Variants in CDH23 observed in about 807,000 individuals in gnomAD.
CDH23 encodes cadherin-23.
In CDH23, 189 loss-of-function variants were observed where a neutral mutation model predicts 317.1. The ratio of observed to expected loss-of-function variants is 0.60; its 90% CI spans 0.53 to 0.67. CDH23 has a LOEUF of 0.67. CDH23 is among the 30% of genes least tolerant of loss of function. The pLI is 0.00. For missense variants in CDH23, 4,401 were observed against 4,592.4 expected, an observed-to-expected ratio of 0.96 and a Z score of 1.20; for synonymous variants, 1,839 against 1,876.8, an observed-to-expected ratio of 0.98 and a Z score of 0.52.
chr10:71,705,745 C>T (rs903342147), intron 25 of CDH23, among the ~76,000 whole-genome samples: 2 of 152,156 alleles, frequency 1.3e-5, no homozygotes, highest in Non-Finnish European at 2.9e-5. Flanking sequence ...AGGATGCAGA[C>T]ATGAGCTGTT....
intron 24 of CDH23, 21 bp from the exon 25 acceptor site, chr10:71,704,890 G>GCTGC (rs1443842804): frequency 6.3e-7 from 1 of 1,591,686 alleles, no homozygotes; most frequent in East Asian, 2.2e-5. Flanking sequence ...CCACCCTCAT[G>GCTGC]CTGCCCCTCC....
chr10:71,813,164 C>G, intron 68 of CDH23, 80 bp from the exon 69 acceptor site: 1 of 1,351,256 alleles, frequency 7.4e-7, no homozygotes, highest in African/African-American at 1.4e-5. Flanking sequence ...CCGTGTACCC[C>G]TTACTCCCAG....
At chr10:71,477,216 TG>T (rs1348868414) in intron 3 of CDH23, among the ~76,000 whole-genome samples, 1 of 152,202 alleles carries the variant, frequency 6.6e-6, no homozygotes, top group Non-Finnish European at 1.5e-5. Context: ...TCACCCAGGC[TG>T]GAGTGCATTG....
rs970554028 is a variant in CDH23 at position 71,713,023 on chromosome 10, A to T, written c.3369+210A>T. 2.3e-5 allele frequency: 17 copies of T among 739,358 alleles called. No individual in the cohort carries two copies. In the African/African-American group the frequency reaches 2.8e-4, roughly 12 times the overall value. 45.8% of individuals were successfully genotyped at this position (739,358 alleles called of 1,614,324 possible). A position where few individuals can be genotyped will look rare whatever the true frequency, so the allele number is the denominator to read the frequency against. ...GGGCCCCCAGGTTGCAGAGCTGAGG[A>T]TAGGGCTCTGGCTCCCCACAAACAG... On this transcript the variant is annotated intron_variant, in intron 28 of 69. Transcript: ENST00000224721.
intron 38 of CDH23, among the ~76,000 whole-genome samples, chr10:71,772,543 T>A (rs1840711664): frequency 6.6e-6 from 1 of 152,218 alleles, no homozygotes; most frequent in Non-Finnish European, 1.5e-5. Flanking sequence ...CAGGATACTA[T>A]CTGAACATGC....
In CDH23 at chr10:71,701,953, C is replaced by G. The variant is rs1210208309; in HGVS notation, c.2398-69C>G. 2.0e-6 allele frequency: 3 copies of G among 1,537,414 alleles called. No homozygotes were observed. The East Asian group carries it at 6.9e-5, about 35-fold the overall frequency. On this transcript the variant is annotated intron_variant, in intron 22 of 69. Coordinates refer to ENST00000224721, the MANE Select transcript of CDH23 (RefSeq NM_022124.6). ...CAGGACCAACGTCTGAGCTCAGATA[C>G]TCCCGGCCAGCCCAGAGACACCCTC... is the stretch of plus-strand genomic sequence containing the variant.
intron 11 of CDH23, among the ~76,000 whole-genome samples, chr10:71,627,054 G>A (rs908277387): frequency 2.0e-5 from 3 of 151,992 alleles, no homozygotes; most frequent in African/African-American, 7.3e-5. Context: ...CGCAGCAAGG[G>A]TTGAGCATCC....
intron 1 of CDH23, among the ~76,000 whole-genome samples, chr10:71,402,272 C>T (rs77984402): frequency 0.018 from 2,764 of 152,318 alleles, 64 homozygotes; most frequent in African/African-American, 0.06. Context: ...GAGAGTGACA[C>T]AGCAGGTTCA....
chr10:71,646,879 C>G, intron 14 of CDH23: 3 of 1,433,242 alleles, frequency 2.1e-6, no homozygotes, highest in Non-Finnish European at 2.7e-6. Flanking sequence ...TGCCTTTCCC[C>G]GAGAGAGACT....
chr10:71,535,395 G>A (rs910388571), intron 6 of CDH23, among the ~76,000 whole-genome samples: 2 of 152,246 alleles, frequency 1.3e-5, no homozygotes, highest in East Asian at 1.9e-4. Context: ...AGGAGTCTTC[G>A]GAACCATGAG....
intron 1 of CDH23, among the ~76,000 whole-genome samples, chr10:71,420,344 T>C (rs1159792778): frequency 6.6e-6 from 1 of 150,762 alleles, no homozygotes; most frequent in East Asian, 2.0e-4. Flanking sequence ...AGTTGTCCTT[T>C]TCTGCTTTCT....
chr10:71,621,220 G>A (rs1343080973), intron 11 of CDH23, among the ~76,000 whole-genome samples: 1 of 152,248 alleles, frequency 6.6e-6, no homozygotes, highest in Admixed American at 6.5e-5. Context: ...GTTGGGATTT[G>A]TGTCTGGGTT....
intron 9 of CDH23, among the ~76,000 whole-genome samples, chr10:71,593,223 C>T (rs552387347): frequency 2.6e-5 from 4 of 152,126 alleles, no homozygotes; most frequent in South Asian, 2.1e-4. Flanking sequence ...CGCAAATCAC[C>T]GAGGAAAGGA....
At chr10:71,735,084 C>A (rs1839521742) in intron 34 of CDH23, among the ~76,000 whole-genome samples, 1 of 152,242 alleles carries the variant, frequency 6.6e-6, no homozygotes, top group African/African-American at 2.4e-5. Flanking sequence ...CAAGAGATTG[C>A]AGGCAGAAAG....
At chr10:71,767,918 C>A (rs894721011) in intron 38 of CDH23, among the ~76,000 whole-genome samples, 1 of 152,152 alleles carries the variant, frequency 6.6e-6, no homozygotes, top group Non-Finnish European at 1.5e-5. Context: ...CATGCCTCCC[C>A]AGGGAGGGCC....
intron 11 of CDH23, among the ~76,000 whole-genome samples, chr10:71,639,178 G>A (rs778140452): frequency 2.0e-5 from 3 of 152,194 alleles, no homozygotes; most frequent in Non-Finnish European, 4.4e-5. Context: ...CCTTCTCATC[G>A]CCTCTCTCAG....
chr10:71,751,193 C>T lies in CDH23; in HGVS notation c.4845+9272C>T. Reference sequence around the variant, plus strand: ...CAAGGAGGCCACTCACAGAGCCAGCCCTGGCTCAAATGCACCTGCCCCAGA... The same window carrying T: ...CAAGGAGGCCACTCACAGAGCCAGCTCTGGCTCAAATGCACCTGCCCCAGA... On this transcript the variant is annotated intron_variant, in intron 38 of 69. Coordinates refer to ENST00000224721, the MANE Select transcript of CDH23 (RefSeq NM_022124.6). The surrounding 1 kb of genome is among the most constrained non-coding windows in gnomAD (Gnocchi z 4.9). The T allele has an allele frequency of 6.4e-7, 1 of 1,564,898 alleles. No homozygotes were observed. Among genetic ancestry groups the T allele is most frequent in the South Asian group, 1.2e-5 (1 of 86,382 alleles).
intron 17 of CDH23, among the ~76,000 whole-genome samples, chr10:71,680,421 CAGTT>C (rs577232494): frequency 6.6e-6 from 1 of 152,282 alleles, no homozygotes; most frequent in Non-Finnish European, 1.5e-5. Context: ...CACTACCCCA[CAGTT>C]AGTTCAGTTC....
rs138717572 is a variant in CDH23, at chr10:71,800,309, G to A, written c.7363-327G>A. Among the ~76,000 whole-genome samples the A allele has an allele frequency of 2.9e-3, 448 of 152,246 alleles. 5 individuals are homozygous for A. Among genetic ancestry groups the A allele is most frequent in the Middle Eastern group, 0.01 (3 of 294 alleles). On this transcript the variant is annotated intron_variant, in intron 52 of 69. Transcript: ENST00000224721. ...TCTGGCACTCTGCCCTTTCAGCGGG[G>A]TTCACTCCTTCCTGCTTGGTATGAG...
Sources: gnomAD v4.1 joint callset for allele counts (sites outside exome capture counted in the v4.1 genomes callset) on GRCh38, gnomAD v4.1.1 for gene constraint, Gnocchi (gnomAD v3.1) non-coding constraint, MANE v1.5 for transcripts, NCBI Gene and HGNC (gene_info 2026-07-23, HGNC 2026-07-21) for gene names.